The following GPR26 variants were observed in gnomAD, a reference collection of about 807,000 sequenced individuals.
GPR26 encodes the protein G protein-coupled receptor 26.
Under a neutral mutation model 23.1 loss-of-function variants are expected in GPR26, and 15 were observed. The observed-to-expected ratio is 0.65, with a 90% CI of 0.43 to 1.00. The LOEUF (loss-of-function observed/expected upper bound fraction) is 1.00. Among genes scored for constraint, GPR26 ranks in the 50% least tolerant of loss-of-function variants. The pLI, the probability that GPR26 is intolerant of heterozygous loss-of-function variation, is 0.00. For missense variants in GPR26, 359 were observed against 470.5 expected (o/e 0.76, Z 2.19); for synonymous variants, 228 against 222.1 (o/e 1.03, Z -0.24).
intron 2 of GPR26, among the ~76,000 whole-genome samples, chr10:123,680,200 G>C (rs994512388): frequency 3.3e-5 from 5 of 152,232 alleles, no homozygotes; most frequent in Non-Finnish European, 7.3e-5. Context: ...CCTGAGATGG[G>C]AGACTCCTGG....
intron 1 of GPR26, 68 bp downstream of exon 1, chr10:123,667,143 A>AAG: frequency 8.6e-7 from 1 of 1,168,642 alleles, no homozygotes; most frequent in Non-Finnish European, 1.2e-6. Flanking sequence ...GGAGGTCCCT[A>AAG]GCCCCAGGGG....
In GPR26 at chr10:123,680,813, TTGTTTTG is replaced by T. The variant is rs1210442993; in HGVS notation, c.782+5884_782+5890del. On this transcript the variant is annotated intron_variant, in intron 2 of 2. Coordinates refer to ENST00000284674, the MANE Select transcript of GPR26 (RefSeq NM_153442.4). ...AACATTCTCTTGGGTTTTTTTTGTT[TTGTTTTG>T]TTTTTTTGGGGGGGGGGGTTGTTTT... 9.8e-5 allele frequency among the ~76,000 whole-genome samples: 11 copies of T among 112,650 alleles called. 1 individual carries two copies. Among genetic ancestry groups the T allele is most frequent in the Non-Finnish European group, 1.8e-4 (10 of 55,538 alleles). The allele number at this position is 112,650 out of a possible 152,430, so 73.9% of individuals were successfully genotyped here.
At chr10:123,669,302 G>A (rs1171297144) in intron 1 of GPR26, among the ~76,000 whole-genome samples, 3 of 152,206 alleles carry the variant, frequency 2.0e-5, no homozygotes, top group South Asian at 2.1e-4. Context: ...GTTGATCCCC[G>A]CCAAGCATGT....
rs148719261 is a variant in GPR26, at chr10:123,696,005, T to C, written c.*7845T>C. On this transcript the variant is annotated 3_prime_UTR_variant, in exon 3 of 3. Transcript: ENST00000284674. ...TGATGCCCATTACCACCTGGGGTGG[T>C]TTTTCTAGACACCAGAATAGGCCAG... Among the ~76,000 whole-genome samples, 111 of 152,018 alleles carry C rather than the reference T, an allele frequency of 7.3e-4. No homozygotes were observed. Among genetic ancestry groups the C allele is most frequent in the African/African-American group, 2.5e-3 (105 of 41,440 alleles).
intron 2 of GPR26, among the ~76,000 whole-genome samples, chr10:123,678,290 C>A (rs1027875040): frequency 2.6e-4 from 40 of 152,180 alleles, no homozygotes; most frequent in African/African-American, 8.9e-4. Context: ...TGCCAGTGCC[C>A]TTCTCCCCAC....
intron 2 of GPR26, among the ~76,000 whole-genome samples, chr10:123,680,179 C>T (rs562154179): frequency 9.2e-5 from 14 of 152,310 alleles, no homozygotes; most frequent in East Asian, 5.8e-4. Context: ...AACCCTGTTC[C>T]GAGTCAGATC....
chr10:123,688,230 C>T lies in GPR26; in HGVS notation c.*70C>T, dbSNP rs770535807. Reference sequence around the variant, plus strand: ...GAAGAAGGGTGGGAGGGCGTGGGGGCCCCTGGGTGGACACCACCAGCCACC... The same window carrying T: ...GAAGAAGGGTGGGAGGGCGTGGGGGTCCCTGGGTGGACACCACCAGCCACC... On this transcript the variant is annotated 3_prime_UTR_variant, in exon 3 of 3. Transcript: ENST00000284674. The T allele has an allele frequency of 3.4e-6, 3 of 882,892 alleles. No homozygotes were observed. The highest frequency in any genetic ancestry group is 3.0e-5 in the South Asian group (2 of 67,698). The allele number at this position is 882,892 out of a possible 1,614,324, so 54.7% of individuals were successfully genotyped here.
intron 1 of GPR26, among the ~76,000 whole-genome samples, chr10:123,671,360 A>G (rs1845248007): frequency 6.6e-6 from 1 of 152,106 alleles, no homozygotes; most frequent in African/African-American, 2.4e-5. Flanking sequence ...TTTTGTCTCA[A>G]GGAAACTGTT....
At chr10:123,679,877 G>A (rs927448080) in intron 2 of GPR26, among the ~76,000 whole-genome samples, 19 of 152,302 alleles carry the variant, frequency 1.2e-4, no homozygotes, top group East Asian at 1.9e-4. Flanking sequence ...CTTGCTGAGC[G>A]AGTCATACTC....
chr10:123,695,263 C>T lies in GPR26; in HGVS notation c.*7103C>T, dbSNP rs745609240. ...TAATTTGGATTTTTAACTCAAAAGACGATGTGTACCCCTTGGGGCATGCGT... is the reference window on the plus strand; with the variant it reads ...TAATTTGGATTTTTAACTCAAAAGATGATGTGTACCCCTTGGGGCATGCGT... On this transcript the variant is annotated 3_prime_UTR_variant, in exon 3 of 3. Transcript: ENST00000284674. Among the ~76,000 whole-genome samples, 15 of 152,222 alleles carry T rather than the reference C, an allele frequency of 9.9e-5. No individual in the cohort carries two copies. Among genetic ancestry groups the T allele is most frequent in the African/African-American group, 2.7e-4 (11 of 41,462 alleles).
chr10:123,682,775 T>A (rs1350113891), intron 2 of GPR26, among the ~76,000 whole-genome samples: 1 of 151,766 alleles, frequency 6.6e-6, no homozygotes, highest in Non-Finnish European at 1.5e-5. Context: ...AGGGGTCTCA[T>A]ATGCAGGGGA....
rs776487078 is a variant in GPR26 at position 123,666,596 on chromosome 10, G to A, written c.189G>A (p.Thr63=). The change falls in exon 1 of 3, where the codon ACG becomes ACA. Residue 63 remains threonine, a synonymous_variant. Transcript: ENST00000284674. The stretch of plus-strand genomic sequence containing the variant: ...GCACCGTGGTCAACATGCCGCTCAC[G>A]CTGGCCGGCGTCGTGGCGCAGCGGC... ...LLCTVVNMPL[T]LAGVVAQRQP... The A allele has an allele frequency of 1.9e-6, 3 of 1,593,300 alleles. No homozygotes were observed. Among genetic ancestry groups the A allele is most frequent in the South Asian group, 2.2e-5 (2 of 88,990 alleles).
intron 2 of GPR26, among the ~76,000 whole-genome samples, chr10:123,683,119 G>T (rs1296819618): frequency 1.3e-5 from 1 of 76,552 alleles, no homozygotes. Context: ...GTAAATAAAG[G>T]GTGCTAATTT....
rs576601463 is a variant in GPR26 at position 123,673,701 on chromosome 10, C to T, written c.669-1117C>T. Among the ~76,000 whole-genome samples, 3 of 152,212 alleles carry T rather than the reference C, an allele frequency of 2.0e-5. No individual in the cohort carries two copies. The South Asian group carries it at 6.2e-4, about 32-fold the overall frequency. ...ACCCCATCATGTGGTGTCCATAGCT[C>T]CAGGCAGGGATGAGGCTGTGGATGG... On this transcript the variant is annotated intron_variant, in intron 1 of 2. Coordinates refer to ENST00000284674, the MANE Select transcript of GPR26 (RefSeq NM_153442.4).
intron 2 of GPR26, among the ~76,000 whole-genome samples, chr10:123,675,821 T>TGTGTGTGTAC: frequency 1.4e-5 from 2 of 142,414 alleles, no homozygotes; most frequent in Admixed American, 7.1e-5. Flanking sequence ...TGTGTGTACG[T>TGTGTGTGTAC]GTGTGTGTGT....
intron 2 of GPR26, among the ~76,000 whole-genome samples, chr10:123,686,983 G>A (rs979661564): frequency 6.6e-6 from 1 of 152,184 alleles, no homozygotes; most frequent in Non-Finnish European, 1.5e-5. Flanking sequence ...GGCCAAGGGT[G>A]CTGGACACAC....
rs1289976705 is a variant in GPR26 at position 123,689,776 on chromosome 10, T to C, written c.*1616T>C. On this transcript the variant is annotated 3_prime_UTR_variant, in exon 3 of 3. Transcript: ENST00000284674. ...TCTTATTAACTCTTAGCTCCTCAGT[T>C]AGAAAACAATTCACCTGGCTTAGTC... 3 of 152,226 alleles carry C rather than the reference T, an allele frequency of 2.0e-5. No individual in the cohort carries two copies. Among genetic ancestry groups the C allele is most frequent in the Non-Finnish European group, 4.4e-5 (3 of 68,044 alleles). The allele number at this position is 152,226 out of a possible 1,614,324, so 9.4% of individuals were successfully genotyped here.
At chr10:123,680,180 G>C (rs138588928) in intron 2 of GPR26, among the ~76,000 whole-genome samples, 1 of 152,216 alleles carries the variant, frequency 6.6e-6, no homozygotes, top group African/African-American at 2.4e-5. Context: ...ACCCTGTTCC[G>C]AGTCAGATCC....
At chr10:123,679,249 C>A (rs1845342398) in intron 2 of GPR26, among the ~76,000 whole-genome samples, 1 of 152,182 alleles carries the variant, frequency 6.6e-6, no homozygotes, top group African/African-American at 2.4e-5. Flanking sequence ...GGAGGGTGAG[C>A]TGGTTGCACC....
Sources: gnomAD v4.1 joint callset for allele counts (sites outside exome capture counted in the v4.1 genomes callset) on GRCh38, gnomAD v4.1.1 for gene constraint, MANE v1.5 for transcripts, NCBI Gene and HGNC (gene_info 2026-07-23, HGNC 2026-07-21) for gene names.